ERAP2: variants seen among roughly 807,000 people sequenced by gnomAD.
ERAP2 encodes endoplasmic reticulum aminopeptidase 2, also known as leukocyte-derived arginine aminopeptidase.
In ERAP2, 118 loss-of-function variants were observed where a neutral mutation model predicts 111.1. That is an observed-to-expected ratio of 1.06 (90% confidence interval 0.92 to 1.24). The LOEUF (loss-of-function observed/expected upper bound fraction) is 1.24, where lower values mean the gene tolerates loss of function less well. ERAP2 is among the 50% of genes most tolerant of loss of function. The pLI, the probability that ERAP2 is intolerant of heterozygous loss-of-function variation, is 0.00. For missense variants in ERAP2, 1,131 were observed against 1,125.8 expected (o/e 1.00, Z -0.07); for synonymous variants, 410 against 401.2 (o/e 1.02, Z -0.26).
rs540632633 is a variant in ERAP2, at chr5:96,910,888, A to G, written c.2354+1124A>G. Reference sequence around the variant, plus strand: ...CAGCCAGGTATTGCTGTAGGAGCTAAGGATAAAGAGGTGAACAAAACAACC... The same window carrying G: ...CAGCCAGGTATTGCTGTAGGAGCTAGGGATAAAGAGGTGAACAAAACAACC... On this transcript the variant is annotated intron_variant, in intron 15 of 18. Coordinates refer to ENST00000437043, the MANE Select transcript of ERAP2 (RefSeq NM_022350.5). Among the ~76,000 whole-genome samples the G allele has an allele frequency of 5.3e-5, 8 of 152,350 alleles. No individual in the cohort carries two copies. The East Asian group carries it at 1.5e-3, about 29-fold the overall frequency.
intron 1 of ERAP2, 69 bp from the exon 2 acceptor site, chr5:96,879,495 C>T: frequency 1.8e-6 from 1 of 547,836 alleles, no homozygotes; most frequent in Non-Finnish European, 3.2e-6. Context: ...TACCTTTTTA[C>T]ATGTTTAAGA....
intron 6 of ERAP2, among the ~76,000 whole-genome samples, chr5:96,894,903 T>C (rs1784714557): frequency 6.6e-6 from 1 of 152,124 alleles, no homozygotes; most frequent in Admixed American, 6.6e-5. Context: ...TTGTTCTTAT[T>C]GGGCAGGAAA....
Position 96,879,778 on chromosome 5 carries a change from A to G in ERAP2, c.93A>G (p.Gln31=). 6.2e-7 allele frequency: 1 copy of G among 1,614,206 alleles called. No homozygotes were observed. Among genetic ancestry groups the G allele is most frequent in the Non-Finnish European group, 8.5e-7 (1 of 1,180,032 alleles). ...GFYCLTAILP[Q]ICICSQFSVP... is the part of the protein sequence containing the mutation. ...ACTGCTTAACAGCCATCTTGCCCCA[A>G]ATATGCATTTGTTCTCAGTTCTCAG... Residue 31 remains glutamine (Q), a synonymous_variant, in exon 2 of 19, where the codon CAA becomes CAG. Coordinates refer to ENST00000437043, the MANE Select transcript of ERAP2 (RefSeq NM_022350.5).
chr5:96,903,286 T>A (rs1785680384), intron 12 of ERAP2, 91 bp from the exon 13 acceptor site: 1 of 1,022,548 alleles, frequency 9.8e-7, no homozygotes, highest in African/African-American at 1.6e-5. Context: ...CCCATTGATT[T>A]ATAAGTAATT....
At position 96,902,574 on chromosome 5, in the gene ERAP2, A is replaced by G. The variant is rs1278125263; in HGVS notation, c.1828+221A>G. ...TTGCGCTTTTATCATTTAGAGACAG[A>G]TTATTTACATCAAGAAATAACAGAA... On this transcript the variant is annotated intron_variant, in intron 12 of 18. Transcript: ENST00000437043. 9.5e-6 allele frequency: 4 copies of G among 422,452 alleles called. No homozygotes were observed. In the Admixed American group the frequency reaches 1.2e-4, roughly 13 times the overall value. The allele number at this position is 422,452 out of a possible 1,614,324, so 26.2% of individuals were successfully genotyped here.
intron 13 of ERAP2, among the ~76,000 whole-genome samples, chr5:96,904,651 C>G (rs924650431): frequency 2.6e-5 from 4 of 152,134 alleles, no homozygotes; most frequent in African/African-American, 9.7e-5. Flanking sequence ...GGAGGTTTGC[C>G]TGCTCAAAGG....
At chr5:96,909,187 G>A in intron 14 of ERAP2, 70 bp downstream of exon 14, 1 of 1,506,090 alleles carries the variant, frequency 6.6e-7, no homozygotes, top group Non-Finnish European at 9.2e-7. Flanking sequence ...GGCTCAGTTT[G>A]TTTTGTGTGA....
Position 96,902,298 on chromosome 5 carries a change from C to T in ERAP2, c.1773C>T (p.Thr591=). 1 of 1,611,398 alleles carries T rather than the reference C, an allele frequency of 6.2e-7. No homozygotes were observed. The highest frequency in any genetic ancestry group is 1.3e-5 in the African/African-American group (1 of 74,974). Residue 591 remains threonine, a synonymous_variant, in exon 12 of 19, where the codon ACC becomes ACT. Transcript: ENST00000437043. ...QERYLWHIPL[T]YSTSSSNVIH... ...GGTACCTGTGGCATATCCCATTGAC[C>T]TACTCCACGAGTTCTTCTAATGTGA...
Position 96,886,778 on chromosome 5 carries a change from T to A in ERAP2, c.838T>A (p.Ser280Thr). ...DFHSLSGFTS[S>T]GVKVSIYASP... Reference sequence around the variant, plus strand: ...CCACTCTCTGAGTGGCTTCACTTCATCAGGGGTCAAGGTGAGACTGAGTTC... The same window carrying A: ...CCACTCTCTGAGTGGCTTCACTTCAACAGGGGTCAAGGTGAGACTGAGTTC... The change falls in exon 4 of 19, where the codon TCA becomes ACA. Residue 280 changes from serine (S) to threonine (T), a missense_variant. Ser to Thr is a moderately conservative substitution (Grantham distance 58, BLOSUM62 1). Transcript: ENST00000437043. 6.6e-7 allele frequency: 1 copy of A among 1,505,148 alleles called. No homozygotes were observed. The highest frequency in any genetic ancestry group is 9.0e-7 in the Non-Finnish European group (1 of 1,107,264). 93.2% of individuals were successfully genotyped at this position (1,505,148 alleles called of 1,614,324 possible). A position where few individuals can be genotyped will look rare whatever the true frequency, so the allele number is the denominator to read the frequency against.
In ERAP2 at chr5:96,916,990, G is replaced by T. The variant is rs535118369; in HGVS notation, c.2740-472G>T. ...ACTTTACCTATTGTTTGAAAATAAA[G>T]TGAACAATTATGCAGAAAAGTAGAA... On this transcript the variant is annotated intron_variant, in intron 18 of 18. Transcript: ENST00000437043. Among the ~76,000 whole-genome samples the T allele has an allele frequency of 6.6e-5, 10 of 152,246 alleles. No individual in the cohort carries two copies. In the South Asian group the frequency reaches 2.1e-3, roughly 32 times the overall value.
chr5:96,917,290 T>G (rs1787522928), intron 18 of ERAP2, among the ~76,000 whole-genome samples, 172 bp from the exon 19 acceptor site: 1 of 152,040 alleles, frequency 6.6e-6, no homozygotes, highest in South Asian at 2.1e-4. Context: ...TTGTTGTTGT[T>G]GTTATTTTTT....
chr5:96,885,298 A>G (rs1783611221), intron 3 of ERAP2, among the ~76,000 whole-genome samples: 1 of 152,156 alleles, frequency 6.6e-6, no homozygotes, highest in Admixed American at 6.6e-5. Context: ...CCCCTACCAT[A>G]AGACAGCACC....
At chr5:96,884,045 TC>T (rs1783456596) in intron 3 of ERAP2, 115 bp downstream of exon 3, 4 of 355,972 alleles carry the variant, frequency 1.1e-5, no homozygotes, top group Non-Finnish European at 2.1e-5. Flanking sequence ...TATCTATCTA[TC>T]TATCTATCTA....
chr5:96,913,599 T>C (rs1787042185), intron 17 of ERAP2, 142 bp downstream of exon 17: 2 of 963,474 alleles, frequency 2.1e-6, no homozygotes, highest in African/African-American at 3.3e-5. Context: ...ACTTTGAAAC[T>C]CCCTAGCCCA....
At chr5:96,909,154 C>T (rs1786430189) in intron 14 of ERAP2, 37 bp downstream of exon 14, 1 of 1,596,848 alleles carries the variant, frequency 6.3e-7, no homozygotes, top group Non-Finnish European at 8.6e-7. Context: ...TAAGTAAATA[C>T]ACAGTGTCTG....
At chr5:96,878,614 T>C (rs1782805502) in intron 1 of ERAP2, among the ~76,000 whole-genome samples, 1 of 151,332 alleles carries the variant, frequency 6.6e-6, no homozygotes, top group Non-Finnish European at 1.5e-5. Flanking sequence ...GGCAACATGG[T>C]GACACATTGT....
chr5:96,881,657 C>T (rs936548007), intron 2 of ERAP2, among the ~76,000 whole-genome samples: 15 of 152,154 alleles, frequency 9.9e-5, no homozygotes, highest in Admixed American at 9.8e-4. Context: ...CATCCAGGAC[C>T]CAGGCTCCTT....
At chr5:96,902,378 G>T (rs758508870) in intron 12 of ERAP2, 25 bp downstream of exon 12, 3 of 1,410,738 alleles carry the variant, frequency 2.1e-6, no homozygotes, top group South Asian at 1.2e-5. Flanking sequence ...AGCCAAACAG[G>T]TATTTCAATG....
intron 3 of ERAP2, among the ~76,000 whole-genome samples, chr5:96,885,376 T>C (rs1783618042): frequency 6.6e-6 from 1 of 152,182 alleles, no homozygotes; most frequent in Admixed American, 6.5e-5. Context: ...GAGACGGTTG[T>C]TGGGGAAAAT....
Sources: allele counts gnomAD v4.1 joint callset (sites outside exome capture counted in the v4.1 genomes callset), GRCh38; gene constraint gnomAD v4.1.1; transcripts MANE v1.5; gene names NCBI Gene and HGNC (gene_info 2026-07-23, HGNC 2026-07-21).